Variants in INSC observed in about 807,000 individuals in gnomAD.
The protein encoded by INSC is INSC spindle orientation adaptor protein, also known as protein inscuteable homolog.
Under a neutral mutation model 58.6 loss-of-function variants are expected in INSC, and 67 were observed. The observed-to-expected ratio is 1.14, with a 90% CI of 0.94 to 1.40. INSC has a LOEUF of 1.40. Ranked by LOEUF, INSC falls within the 40% of genes most tolerant of loss-of-function variation. The pLI, the probability that INSC is intolerant of heterozygous loss-of-function variation, is 0.00. For synonymous variants in INSC, 262 were observed against 276.1 expected (o/e 0.95, Z 0.51); for missense variants, 714 against 692.0 (o/e 1.03, Z -0.36).
chr11:15,146,207 C>T (rs76077093), intron 1 of INSC, among the ~76,000 whole-genome samples: 1,673 of 152,372 alleles, frequency 0.011, 16 homozygotes, highest in Non-Finnish European at 0.017. Flanking sequence ...TTTCCTATCT[C>T]GCCTTCCAGA....
intron 7 of INSC, among the ~76,000 whole-genome samples, chr11:15,212,658 G>T (rs780597122): frequency 1.3e-5 from 2 of 151,992 alleles, no homozygotes; most frequent in Non-Finnish European, 2.9e-5. Flanking sequence ...TCTGTTGTTG[G>T]TAATACATAA....
the INSC span, among the ~76,000 whole-genome samples, chr11:15,269,386 G>A: frequency 6.6e-6 from 1 of 151,906 alleles, no homozygotes; most frequent in African/African-American, 2.4e-5. Context: ...GAAATTAAAT[G>A]ACCAACGTCT....
At chr11:15,232,883 C>T (rs1231031006) in intron 9 of INSC, among the ~76,000 whole-genome samples, 1 of 152,158 alleles carries the variant, frequency 6.6e-6, no homozygotes, top group African/African-American at 2.4e-5. Context: ...TGATTTTCCC[C>T]TAGAGCCCCC....
chr11:15,203,907 G>A (rs749198685), intron 7 of INSC, among the ~76,000 whole-genome samples: 12 of 151,736 alleles, frequency 7.9e-5, no homozygotes, highest in Non-Finnish European at 1.3e-4. Flanking sequence ...TGTGAAATTC[G>A]AAGTTCAGCC....
intron 5 of INSC, among the ~76,000 whole-genome samples, chr11:15,186,027 C>T (rs1309696374): frequency 3.9e-5 from 6 of 152,086 alleles, no homozygotes; most frequent in Admixed American, 3.3e-4. Context: ...TAGAGGGTTG[C>T]TTAAACTTTA....
At chr11:15,148,189 T>C (rs1205552372) in intron 1 of INSC, among the ~76,000 whole-genome samples, 1 of 152,208 alleles carries the variant, frequency 6.6e-6, no homozygotes, top group Non-Finnish European at 1.5e-5. Flanking sequence ...GTTACTCTTA[T>C]TCATTAGGAT....
At chr11:15,134,279 T>G (rs777080367) in intron 1 of INSC, among the ~76,000 whole-genome samples, 1 of 152,198 alleles carries the variant, frequency 6.6e-6, no homozygotes, top group African/African-American at 2.4e-5. Flanking sequence ...ATGGTTCCAA[T>G]TGAACGATGA....
chr11:15,115,941 T>G (rs961828084), intron 1 of INSC, among the ~76,000 whole-genome samples: 2 of 152,166 alleles, frequency 1.3e-5, no homozygotes, highest in Admixed American at 6.5e-5. Context: ...CCCCTTTTAA[T>G]CTATATATTA....
At chr11:15,250,862 A>C (rs1164386785), downstream of INSC, among the ~76,000 whole-genome samples, 7 of 152,276 alleles carry the variant, frequency 4.6e-5, no homozygotes, top group East Asian at 1.3e-3. Context: ...AAGCATTTAC[A>C]GAATGGCAGA....
At chr11:15,135,579 G>A (rs754605359) in intron 1 of INSC, among the ~76,000 whole-genome samples, 5 of 152,138 alleles carry the variant, frequency 3.3e-5, no homozygotes, top group Admixed American at 6.6e-5. Context: ...CCTTGTGGCC[G>A]AGCCAAGGTT....
intron 2 of INSC, among the ~76,000 whole-genome samples, chr11:15,169,698 C>A (rs147788734): frequency 1.4e-3 from 214 of 151,250 alleles, no homozygotes; most frequent in African/African-American, 4.6e-3. Context: ...TGTGTCACCA[C>A]ACCCAGCTAA....
In INSC at chr11:15,246,028, G is replaced by C; in HGVS notation, c.1587G>C (p.Glu529Asp). The change falls in exon 13 of 13, where the codon GAG (glutamate) becomes GAC (aspartate). Residue 529 changes from glutamate (E) to aspartate (D), a missense_variant. Glu to Asp is a conservative substitution (Grantham distance 45, BLOSUM62 2). Transcript: ENST00000379556. ...TCTTACTCTGCAGCAACATGGAGGA[G>C]AGTTTTGTGTAGTGAGTGTGGGCGA... is the stretch of plus-strand genomic sequence containing the variant. ...DSFLLCSNMEESFV is the reference protein window; with the variant it reads ...DSFLLCSNMEDSFV 1 of 1,614,188 alleles carries C rather than the reference G, an allele frequency of 6.2e-7. No individual in the cohort carries two copies. Among genetic ancestry groups the C allele is most frequent in the South Asian group, 1.1e-5 (1 of 91,076 alleles).
At position 15,178,382 on chromosome 11, in the gene INSC, A is replaced by T. The variant is rs1222199893; in HGVS notation, c.514A>T (p.Thr172Ser). The part of the protein sequence containing the change: ...LKSMKACVSE[T>S]LSMLGQHFGQ... The stretch of plus-strand genomic sequence containing the variant: ...GTCAATGAAGGCCTGCGTGAGTGAG[A>T]CCCTGAGCATGCTGGGCCAGCACTT... Residue 172 changes from threonine to serine, a missense_variant, in exon 5 of 13, where the codon ACC becomes TCC. Physicochemically the swap from Thr to Ser is moderately conservative, Grantham distance 58. Coordinates refer to ENST00000379556, the MANE Select transcript of INSC (RefSeq NM_001042536.3). The T allele has an allele frequency of 6.2e-7, 1 of 1,613,704 alleles. No homozygotes were observed. Among genetic ancestry groups the T allele is most frequent in the African/African-American group, 1.3e-5 (1 of 75,010 alleles).
At chr11:15,118,685 C>T (rs1847795528) in intron 1 of INSC, among the ~76,000 whole-genome samples, 1 of 152,186 alleles carries the variant, frequency 6.6e-6, no homozygotes, top group South Asian at 2.1e-4. Flanking sequence ...GACTGGACCA[C>T]ATCTCTGCTG....
chr11:15,263,956 T>C, the INSC span, among the ~76,000 whole-genome samples: 1 of 149,674 alleles, frequency 6.7e-6, no homozygotes, highest in Non-Finnish European at 1.5e-5. Context: ...TGGAATCTTT[T>C]GATCTTCCCT....
At chr11:15,119,545 C>G (rs1005368480) in intron 1 of INSC, among the ~76,000 whole-genome samples, 1 of 152,162 alleles carries the variant, frequency 6.6e-6, no homozygotes, top group Non-Finnish European at 1.5e-5. Context: ...AGCAGTTTGG[C>G]TGGGTAGTTG....
intron 9 of INSC, 151 bp downstream of exon 9, chr11:15,225,979 C>T (rs1851622801): frequency 2.7e-6 from 2 of 746,174 alleles, no homozygotes; most frequent in African/African-American, 1.8e-5. Context: ...CCACGTTTCT[C>T]ATTGACTTTG....
chr11:15,216,420 C>G (rs1851220499), intron 7 of INSC, among the ~76,000 whole-genome samples: 1 of 152,174 alleles, frequency 6.6e-6, no homozygotes, highest in Non-Finnish European at 1.5e-5. Context: ...CTGTCTCACT[C>G]TCCATTTTCG....
intron 2 of INSC, among the ~76,000 whole-genome samples, chr11:15,156,917 C>T (rs1047239158): frequency 1.3e-5 from 2 of 152,198 alleles, no homozygotes; most frequent in Non-Finnish European, 2.9e-5. Context: ...ACCCCAATTC[C>T]ACCCTGGATA....
Sources: allele counts gnomAD v4.1 joint callset (sites outside exome capture counted in the v4.1 genomes callset), GRCh38; gene constraint gnomAD v4.1.1; transcripts MANE v1.5; gene names NCBI Gene and HGNC (gene_info 2026-07-23, HGNC 2026-07-21).